Variants in ERC1 observed in about 807,000 individuals in gnomAD.
ERC1 encodes ELKS/RAB6-interacting/CAST family member 1.
Under a neutral mutation model 132.0 loss-of-function variants are expected in ERC1, and 56 were observed. That is an observed-to-expected ratio of 0.42 (90% CI 0.34 to 0.53). The LOEUF (loss-of-function observed/expected upper bound fraction) is 0.53. Ranked by LOEUF, ERC1 falls within the 20% of genes least tolerant of loss-of-function variation. The probability of loss-of-function intolerance (pLI) is 0.03; values close to 1 mark genes in which losing one functional copy is unlikely to be tolerated. For missense variants in ERC1, 1,202 were observed against 1,349.9 expected (o/e 0.89, Z 1.72); for synonymous variants, 478 against 476.1 (o/e 1.00, Z -0.05).
At chr12:1,082,082 G>A (rs1942282797) in intron 2 of ERC1, among the ~76,000 whole-genome samples, 1 of 152,118 alleles carries the variant, frequency 6.6e-6, no homozygotes, top group Admixed American at 6.6e-5. Flanking sequence ...AGGCTGGAGT[G>A]CAGTGGTGTG....
intron 9 of ERC1, among the ~76,000 whole-genome samples, chr12:1,181,235 T>G (rs1018542921): frequency 1.3e-5 from 2 of 152,170 alleles, no homozygotes; most frequent in African/African-American, 2.4e-5. Flanking sequence ...ATTCCCCCCT[T>G]TTTTGGTGTG....
intron 2 of ERC1, among the ~76,000 whole-genome samples, chr12:1,030,968 C>T (rs890176674): frequency 6.6e-6 from 1 of 152,130 alleles, no homozygotes; most frequent in Non-Finnish European, 1.5e-5. Flanking sequence ...GTGATGAAAT[C>T]GCCTTTCTCA....
At chr12:1,349,355 G>T (rs898028031) in intron 15 of ERC1, among the ~76,000 whole-genome samples, 1 of 152,158 alleles carries the variant, frequency 6.6e-6, no homozygotes, top group African/African-American at 2.4e-5. Flanking sequence ...AAGTGTTCGA[G>T]ATCTTGGCTT....
intron 13 of ERC1, among the ~76,000 whole-genome samples, chr12:1,257,589 C>T (rs2076892444): frequency 6.6e-6 from 1 of 152,004 alleles, no homozygotes; most frequent in African/African-American, 2.4e-5. Context: ...GGTTGGGTAA[C>T]ATTGGAGCTT....
intron 2 of ERC1, among the ~76,000 whole-genome samples, chr12:1,037,626 G>T (rs1284560914): frequency 6.6e-6 from 1 of 152,192 alleles, no homozygotes; most frequent in East Asian, 1.9e-4. Flanking sequence ...GGACAGCCAT[G>T]TTGAAGGAGA....
intron 2 of ERC1, among the ~76,000 whole-genome samples, chr12:1,078,167 G>A (rs552149673): frequency 2.6e-5 from 4 of 152,208 alleles, no homozygotes; most frequent in African/African-American, 7.2e-5. Flanking sequence ...AATTGATGAC[G>A]AATGGTCAGA....
chr12:1,083,384 C>T lies in ERC1; in HGVS notation c.890C>T (p.Thr297Ile). The T allele has an allele frequency of 6.2e-7, 1 of 1,614,118 alleles. No homozygotes were observed. ...TLEEMELRIETQKQTLNARDE... is the reference protein window; with the variant it reads ...TLEEMELRIEIQKQTLNARDE... The stretch of plus-strand genomic sequence containing the variant: ...GAGGAAATGGAGCTGCGTATTGAGA[C>T]TCAAAAGCAGACCCTAAATGCTCGG... The change falls in exon 3 of 19, where the codon ACT (threonine) becomes ATT (isoleucine). Residue 297 changes from threonine (T) to isoleucine (I), a missense_variant. By Grantham distance (89) the Thr-to-Ile change is moderately conservative. Coordinates refer to ENST00000360905, the MANE Select transcript of ERC1 (RefSeq NM_178040.4).
intron 13 of ERC1, among the ~76,000 whole-genome samples, chr12:1,238,686 T>G (rs988565306): frequency 6.6e-6 from 1 of 152,164 alleles, no homozygotes; most frequent in Non-Finnish European, 1.5e-5. Flanking sequence ...ACTTTAACTG[T>G]TTCATTTGTC....
At chr12:1,200,010 G>A (rs1172263276) in intron 12 of ERC1, among the ~76,000 whole-genome samples, 2 of 151,852 alleles carry the variant, frequency 1.3e-5, no homozygotes, top group African/African-American at 2.4e-5. Context: ...ACATGTGTAT[G>A]TGTAAGAGAA....
Position 1,367,527 on chromosome 12 carries a change from A to C in ERC1, c.2781-4306A>C, listed in dbSNP as rs569427703. Among the ~76,000 whole-genome samples, 18 of 152,304 alleles carry C rather than the reference A, an allele frequency of 1.2e-4. 1 individual carries two copies. Among genetic ancestry groups the C allele is most frequent in the African/African-American group, 4.3e-4 (18 of 41,554 alleles). On this transcript the variant is annotated intron_variant, in intron 15 of 18. Transcript: ENST00000360905. ...CATTCAGATTTTTAACCACCATATC[A>C]CAACGCTAATTACGGTCTCTTATTT...
rs538961813 is a variant in ERC1, at chr12:1,208,957, A to ATTTTTTTTTT, written c.2351+18925_2351+18934dup. ...AGGCACTTGCCACCACGCCCAGCTGATTTTTTTTTTTTTTTTTTTTTTTTT... is the reference window on the plus strand; with the variant it reads ...AGGCACTTGCCACCACGCCCAGCTGATTTTTTTTTTTTTTTTTTTTTTTTTTTTTTTTTTT... On this transcript the variant is annotated intron_variant, in intron 12 of 18. Coordinates refer to ENST00000360905, the MANE Select transcript of ERC1 (RefSeq NM_178040.4). Among the ~76,000 whole-genome samples the ATTTTTTTTTT allele has an allele frequency of 2.2e-4, 16 of 71,632 alleles. 1 individual carries two copies. Among genetic ancestry groups the ATTTTTTTTTT allele is most frequent in the African/African-American group, 8.1e-4 (13 of 15,970 alleles). 47.0% of individuals were successfully genotyped at this position (71,632 alleles called of 152,430 possible).
chr12:1,021,312 C>G (rs1318848406), intron 1 of ERC1, among the ~76,000 whole-genome samples: 1 of 152,074 alleles, frequency 6.6e-6, no homozygotes, highest in African/African-American at 2.4e-5. Context: ...GTTCCTAGGC[C>G]AGGCCATTTT....
At chr12:1,025,640 G>A (rs1347354758) in intron 1 of ERC1, among the ~76,000 whole-genome samples, 1 of 152,044 alleles carries the variant, frequency 6.6e-6, no homozygotes, top group East Asian at 1.9e-4. Context: ...TTATTTTGGT[G>A]TACTATGTGA....
intron 17 of ERC1, among the ~76,000 whole-genome samples, chr12:1,411,634 A>T (rs2091857296): frequency 1.3e-5 from 2 of 152,198 alleles, no homozygotes; most frequent in South Asian, 4.1e-4. Context: ...AATTATCTGC[A>T]CTGGACAAGG....
At chr12:1,263,798 T>G (rs1372211862) in intron 14 of ERC1, among the ~76,000 whole-genome samples, 1 of 152,146 alleles carries the variant, frequency 6.6e-6, no homozygotes, top group Admixed American at 6.5e-5. Flanking sequence ...CAAGTGATTC[T>G]CCTGCCTCAA....
intron 2 of ERC1, among the ~76,000 whole-genome samples, chr12:1,078,536 A>G (rs1196041495): frequency 6.6e-6 from 1 of 152,018 alleles, no homozygotes; most frequent in East Asian, 1.9e-4. Flanking sequence ...TGCTAAAAGC[A>G]TAATACCCAA....
intron 1 of ERC1, among the ~76,000 whole-genome samples, chr12:997,581 C>T (rs554242258): frequency 1.3e-5 from 2 of 152,164 alleles, no homozygotes; most frequent in Non-Finnish European, 2.9e-5. Flanking sequence ...AGGATAATGG[C>T]AGCTGTGAAC....
rs1326049824 is a variant in ERC1, at chr12:1,337,917, T to C, written c.2781-33916T>C. ...GCTGAGAGGTCCGCTGTTAGTCTGA[T>C]GGACTTGCCTTTGTAGGTGACCTTA... is the stretch of plus-strand genomic sequence containing the variant. On this transcript the variant is annotated intron_variant, in intron 15 of 18. Coordinates refer to ENST00000360905, the MANE Select transcript of ERC1 (RefSeq NM_178040.4). Among the ~76,000 whole-genome samples the C allele has an allele frequency of 2.0e-5, 3 of 152,372 alleles. No homozygotes were observed. The East Asian group carries it at 5.8e-4, about 29-fold the overall frequency.
At chr12:1,434,926 G>A (rs191374265) in intron 17 of ERC1, among the ~76,000 whole-genome samples, 9 of 152,314 alleles carry the variant, frequency 5.9e-5, no homozygotes, top group Admixed American at 3.3e-4. Flanking sequence ...TTTGTGTTGT[G>A]CTACACGGCT....
Sources: gnomAD v4.1 joint callset for allele counts (sites outside exome capture counted in the v4.1 genomes callset) on GRCh38, gnomAD v4.1.1 for gene constraint, MANE v1.5 for transcripts, NCBI Gene and HGNC (gene_info 2026-07-23, HGNC 2026-07-21) for gene names.